The following HSD17B7 variants were observed in gnomAD, a reference collection of about 807,000 sequenced individuals.
The protein encoded by HSD17B7 is hydroxysteroid 17-beta dehydrogenase 7.
A neutral mutation model predicts 34.1 loss-of-function variants in HSD17B7; 17 were observed. The ratio of observed to expected loss-of-function variants is 0.50; its 90% CI spans 0.34 to 0.75. The LOEUF is 0.75. Among genes scored for constraint, HSD17B7 ranks in the 30% least tolerant of loss-of-function variants. HSD17B7 has a pLI of 0.01. For synonymous variants in HSD17B7, 122 were observed against 154.6 expected (o/e 0.79, Z 1.56); for missense variants, 296 against 406.6 (o/e 0.73, Z 2.34).
intron 8 of HSD17B7, among the ~76,000 whole-genome samples, chr1:162,808,718 C>T (rs542375292): frequency 3.3e-5 from 5 of 152,242 alleles, no homozygotes; most frequent in Non-Finnish European, 7.4e-5. Flanking sequence ...ATATTTTATT[C>T]TCTTTGAAGC....
chr1:162,793,022 G>A (rs1648467921), intron 2 of HSD17B7, 160 bp downstream of exon 2: 5 of 425,148 alleles, frequency 1.2e-5, no homozygotes, highest in South Asian at 3.0e-5. Context: ...TCAGTACCAC[G>A]TTTTCTTTCT....
chr1:162,798,050 T>C, intron 4 of HSD17B7, 134 bp downstream of exon 4: 1 of 1,385,986 alleles, frequency 7.2e-7, no homozygotes, highest in Non-Finnish European at 9.5e-7. Context: ...TTGATTGCAT[T>C]TGCCTTGTTT....
chr1:162,794,340 G>A (rs1648526617), intron 2 of HSD17B7, among the ~76,000 whole-genome samples: 1 of 152,038 alleles, frequency 6.6e-6, no homozygotes, highest in Admixed American at 6.6e-5. Context: ...TGTTCCAAAT[G>A]CACAAGTTAC....
intron 8 of HSD17B7, among the ~76,000 whole-genome samples, chr1:162,805,967 G>A (rs1367496586): frequency 2.0e-5 from 3 of 152,134 alleles, no homozygotes; most frequent in African/African-American, 4.8e-5. Context: ...GTTTTTCTGT[G>A]TGAAGTTAAC....
intron 3 of HSD17B7, 50 bp downstream of exon 3, chr1:162,796,727 T>G: frequency 8.7e-7 from 1 of 1,151,162 alleles, no homozygotes; most frequent in Non-Finnish European, 1.3e-6. Context: ...TGTTCATTTT[T>G]CTGCCTAGTT....
At chr1:162,804,563 T>C (rs1648918807) in intron 7 of HSD17B7, among the ~76,000 whole-genome samples, 1 of 152,042 alleles carries the variant, frequency 6.6e-6, no homozygotes, top group African/African-American at 2.4e-5. Context: ...AAAGCACTTC[T>C]TTAGAGGCAA....
chr1:162,793,292 C>T (rs889546638), intron 2 of HSD17B7, among the ~76,000 whole-genome samples: 1 of 152,226 alleles, frequency 6.6e-6, no homozygotes, highest in African/African-American at 2.4e-5. Flanking sequence ...CTCGGCCTCC[C>T]AAAGTGCTGG....
chr1:162,801,718 T>C (rs1571004308), intron 5 of HSD17B7, among the ~76,000 whole-genome samples: 1 of 152,104 alleles, frequency 6.6e-6, no homozygotes, highest in African/African-American at 2.4e-5. Context: ...GTATTGGCTG[T>C]TAATATTGCA....
At chr1:162,810,810 C>A (rs1185309576) in intron 8 of HSD17B7, among the ~76,000 whole-genome samples, 3 of 152,058 alleles carry the variant, frequency 2.0e-5, no homozygotes, top group Non-Finnish European at 4.4e-5. Flanking sequence ...GGTAGATTTC[C>A]CTCCATCCCT....
chr1:162,810,959 A>C (rs538552575), intron 8 of HSD17B7, among the ~76,000 whole-genome samples: 1 of 152,244 alleles, frequency 6.6e-6, no homozygotes, highest in South Asian at 2.1e-4. Flanking sequence ...TTTAAGGTTA[A>C]TATTGTTATG....
chr1:162,802,156 A>G (rs1449014532), intron 5 of HSD17B7, among the ~76,000 whole-genome samples: 1 of 152,222 alleles, frequency 6.6e-6, no homozygotes, highest in Non-Finnish European at 1.5e-5. Flanking sequence ...AATACTCAGG[A>G]TCATCACAAT....
chr1:162,806,061 GA>G (rs959109053), intron 8 of HSD17B7, among the ~76,000 whole-genome samples: 1 of 151,654 alleles, frequency 6.6e-6, no homozygotes, highest in Non-Finnish European at 1.5e-5. Context: ...ATAATGTGCA[GA>G]AAAAAAATGT....
At chr1:162,797,611 G>A (rs1648660668) in intron 3 of HSD17B7, 191 bp from the exon 4 acceptor site, 5 of 604,264 alleles carry the variant, frequency 8.3e-6, no homozygotes, top group Non-Finnish European at 1.1e-5. Context: ...TGAATTAGTG[G>A]GGGGAAGGAG....
chr1:162,809,425 A>G (rs1649099347), intron 8 of HSD17B7, among the ~76,000 whole-genome samples: 1 of 152,090 alleles, frequency 6.6e-6, no homozygotes, highest in African/African-American at 2.4e-5. Flanking sequence ...TTGGTCTAAA[A>G]TTCTCTTTTT....
intron 2 of HSD17B7, among the ~76,000 whole-genome samples, chr1:162,793,445 C>T (rs543172649): frequency 2.0e-5 from 3 of 151,794 alleles, no homozygotes; most frequent in Admixed American, 6.6e-5. Flanking sequence ...TGAGCCATTG[C>T]GCCCAGCCAG....
intron 8 of HSD17B7, among the ~76,000 whole-genome samples, chr1:162,809,230 T>G (rs949987760): frequency 6.6e-6 from 1 of 152,174 alleles, no homozygotes; most frequent in Non-Finnish European, 1.5e-5. Flanking sequence ...AGATAATCAT[T>G]TGGTTTTTGT....
intron 8 of HSD17B7, among the ~76,000 whole-genome samples, chr1:162,810,595 G>A (rs1030219562): frequency 1.3e-5 from 2 of 152,122 alleles, no homozygotes; most frequent in African/African-American, 2.4e-5. Context: ...AAGCCTCTTT[G>A]TAGGTCTCTA....
chr1:162,803,813 T>C (rs931840682), intron 6 of HSD17B7, among the ~76,000 whole-genome samples: 1 of 152,222 alleles, frequency 6.6e-6, no homozygotes, highest in African/African-American at 2.4e-5. Context: ...AGAAAACCCA[T>C]GTTGAACATT....
At chr1:162,800,442 G>C in intron 5 of HSD17B7, 1 of 374,142 alleles carries the variant, frequency 2.7e-6, no homozygotes, top group Non-Finnish European at 5.2e-6. Context: ...GTTTGTCATA[G>C]CAGACGTTTA....
Sources: allele counts gnomAD v4.1 joint callset (sites outside exome capture counted in the v4.1 genomes callset), GRCh38; gene constraint gnomAD v4.1.1; transcripts MANE v1.5; gene names NCBI Gene and HGNC (gene_info 2026-07-23, HGNC 2026-07-21).